SHANK2: variants seen among roughly 807,000 people sequenced by gnomAD.
SHANK2 encodes SH3 and multiple ankyrin repeat domains protein 2.
SHANK2 carries 43 observed loss-of-function variants against 133.7 expected under a neutral mutation model. That is an observed-to-expected ratio of 0.32 (90% confidence interval 0.25 to 0.41). The LOEUF (loss-of-function observed/expected upper bound fraction) is 0.41, where lower values mean the gene tolerates loss of function less well. Among genes scored for constraint, SHANK2 ranks in the 10% least tolerant of loss-of-function variants. SHANK2 has a pLI of 1.00. For synonymous variants in SHANK2, 1,017 were observed against 952.8 expected, an observed-to-expected ratio of 1.07 and a Z score of -1.24; for missense variants, 1,994 against 2,235.8, an observed-to-expected ratio of 0.89 and a Z score of 2.18.
At chr11:71,103,636 T>C (rs1282007381) in intron 6 of SHANK2, among the ~76,000 whole-genome samples, 1 of 152,188 alleles carries the variant, frequency 6.6e-6, no homozygotes, top group Non-Finnish European at 1.5e-5. Context: ...ATGGTTTGGA[T>C]GGGTGTCCTG....
chr11:70,934,292 A>G lies in SHANK2; in HGVS notation c.1108-37725T>C, dbSNP rs377346554. ...GCAGCAACAACAGTGCCCACTGCAC[A>G]TTAAAACCAGGTAGTCACTTCCTGC... On this transcript the variant is annotated intron_variant, in intron 10 of 25. Transcript: ENST00000601538. Among the ~76,000 whole-genome samples the G allele has an allele frequency of 2.5e-4, 38 of 149,898 alleles. No homozygotes were observed. In the East Asian group the frequency reaches 7.4e-3, roughly 29 times the overall value.
chr11:70,502,752 C>CCCCCAA, intron 18 of SHANK2, 44 bp downstream of exon 18: 1 of 1,345,262 alleles, frequency 7.4e-7, no homozygotes, highest in Non-Finnish European at 1.0e-6. Flanking sequence ...CCCCCCCCCC[C>CCCCCAA]CAGTAGGGCC....
At chr11:70,597,872 C>G (rs2136301983) in intron 17 of SHANK2, among the ~76,000 whole-genome samples, 2 of 152,318 alleles carry the variant, frequency 1.3e-5, no homozygotes, top group South Asian at 4.1e-4. Context: ...GACTCCATCT[C>G]AAAACAACCA....
At chr11:70,556,590 CTTTTT>C (rs56161301) in intron 17 of SHANK2, among the ~76,000 whole-genome samples, 2 of 140,154 alleles carry the variant, frequency 1.4e-5, no homozygotes. Context: ...TAATTTTTTT[CTTTTT>C]TTTTTTTTTT....
chr11:70,658,208 A>AACACACACACACAC (rs782131753), intron 17 of SHANK2, among the ~76,000 whole-genome samples: 7 of 97,496 alleles, frequency 7.2e-5, no homozygotes, highest in South Asian at 4.4e-4. Context: ...ACGCCCCCCC[A>AACACACACACACAC]ACACACACAC....
At position 70,500,672 on chromosome 11, in the gene SHANK2, G is replaced by T; in HGVS notation, c.2288-82C>A. The T allele has an allele frequency of 6.5e-7, 1 of 1,549,332 alleles. No homozygotes were observed. The highest frequency in any genetic ancestry group is 2.4e-5 in the East Asian group (1 of 41,434). The stretch of plus-strand genomic sequence containing the variant: ...CCTACACTCGGGCCTTGTCAGCTCA[G>T]GGCGCCTCAGGAGCAGGCTGGGCCG... On this transcript the variant is annotated intron_variant, in intron 20 of 25. Coordinates refer to ENST00000601538, the MANE Select transcript of SHANK2 (RefSeq NM_012309.5). This position sits in a 1 kb window ranked among gnomAD's most constrained non-coding sequence, Gnocchi z 4.5.
Position 70,535,989 on chromosome 11 carries a change from A to T in SHANK2, c.2062-33058T>A, listed in dbSNP as rs1223379568. 6.6e-6 allele frequency among the ~76,000 whole-genome samples: 1 copy of T among 151,538 alleles called. No individual in the cohort carries two copies. Among genetic ancestry groups the T allele is most frequent in the Non-Finnish European group, 1.5e-5 (1 of 68,014 alleles). ...GGGGGCTGCGTGGGGGCTGGGCCTG[A>T]AGCCAGACCAGCCCTACAGGGCCCA... On this transcript the variant is annotated intron_variant, in intron 17 of 25. Coordinates refer to ENST00000601538, the MANE Select transcript of SHANK2 (RefSeq NM_012309.5). The surrounding 1 kb of genome is among the most constrained non-coding windows in gnomAD (Gnocchi z 4.3).
intron 14 of SHANK2, among the ~76,000 whole-genome samples, chr11:70,728,535 C>G (rs1946219984): frequency 6.6e-6 from 1 of 152,204 alleles, no homozygotes; most frequent in Admixed American, 6.5e-5. Context: ...GCCACAGGTC[C>G]AGAGCTTCTG....
chr11:71,207,178 C>CT (rs56946028), intron 2 of SHANK2, among the ~76,000 whole-genome samples: 29,077 of 115,814 alleles, frequency 0.25, 4,480 homozygotes, highest in East Asian at 0.43. Flanking sequence ...TTTAAAATTC[C>CT]TTTTTTTTTT....
intron 2 of SHANK2, among the ~76,000 whole-genome samples, chr11:71,206,514 C>T (rs1001411120): frequency 6.6e-6 from 1 of 152,176 alleles, no homozygotes; most frequent in South Asian, 2.1e-4. Context: ...CCTACATCCA[C>T]GCAGAGAGAT....
intron 25 of SHANK2, among the ~76,000 whole-genome samples, chr11:70,481,046 C>A (rs1555151414): frequency 6.6e-6 from 1 of 152,230 alleles, no homozygotes; most frequent in African/African-American, 2.4e-5. Context: ...TTCCCCAAAC[C>A]AGTTTCCTTC....
rs191621008 is a variant in SHANK2 at position 70,626,245 on chromosome 11, C to T, written c.2061+33583G>A. On this transcript the variant is annotated intron_variant, in intron 17 of 25. Transcript: ENST00000601538. The stretch of plus-strand genomic sequence containing the variant: ...TCATCCTCTTTGCAAACATTTCAAA[C>T]GTTTTCTTTTACATGGCTTCTAGAT... Among the ~76,000 whole-genome samples, 59 of 152,314 alleles carry T rather than the reference C, an allele frequency of 3.9e-4. 1 individual carries two copies. The highest frequency in any genetic ancestry group is 1.2e-3 in the African/African-American group (50 of 41,560).
intron 14 of SHANK2, among the ~76,000 whole-genome samples, chr11:70,729,908 A>G (rs1283908221): frequency 1.3e-5 from 2 of 151,650 alleles, no homozygotes; most frequent in Admixed American, 6.6e-5. Context: ...ACTAAAAAAA[A>G]AAAAAAAAAG....
intron 10 of SHANK2, among the ~76,000 whole-genome samples, chr11:70,927,519 C>T (rs1950445637): frequency 6.6e-6 from 1 of 151,842 alleles, no homozygotes; most frequent in Non-Finnish European, 1.5e-5. Context: ...GGAAAAGAAC[C>T]CCAGAGAGCA....
intron 17 of SHANK2, among the ~76,000 whole-genome samples, chr11:70,532,789 C>G (rs781913153): frequency 6.6e-6 from 1 of 152,208 alleles, no homozygotes; most frequent in Non-Finnish European, 1.5e-5. Context: ...AGAGCAGGGT[C>G]TTAGACCGAC....
intron 2 of SHANK2, among the ~76,000 whole-genome samples, chr11:71,187,938 T>A (rs1953708243): frequency 6.6e-6 from 1 of 152,174 alleles, no homozygotes; most frequent in East Asian, 1.9e-4. Flanking sequence ...CCCTGCACTG[T>A]CCTTGGAAAT....
At chr11:71,193,313 G>A (rs1555115735) in intron 2 of SHANK2, among the ~76,000 whole-genome samples, 1 of 152,156 alleles carries the variant, frequency 6.6e-6, no homozygotes, top group Non-Finnish European at 1.5e-5. Flanking sequence ...ATTCCAAGAG[G>A]AGTGTGTGAG....
At chr11:70,836,561 G>A (rs1948820822) in intron 11 of SHANK2, among the ~76,000 whole-genome samples, 1 of 152,172 alleles carries the variant, frequency 6.6e-6, no homozygotes, top group Non-Finnish European at 1.5e-5. Flanking sequence ...CTGTCTGGAG[G>A]GCCCTGCCTG....
At chr11:70,673,730 C>T (rs1555016609) in intron 15 of SHANK2, among the ~76,000 whole-genome samples, 1 of 152,260 alleles carries the variant, frequency 6.6e-6, no homozygotes, top group African/African-American at 2.4e-5. Flanking sequence ...ATGAGAAACC[C>T]AGGCCAGGCC....
Sources: allele counts gnomAD v4.1 joint callset (sites outside exome capture counted in the v4.1 genomes callset), GRCh38; gene constraint gnomAD v4.1.1; non-coding constraint Gnocchi (gnomAD v3.1); transcripts MANE v1.5; gene names NCBI Gene and HGNC (gene_info 2026-07-23, HGNC 2026-07-21).